The following KALRN variants were observed in gnomAD, a reference collection of about 807,000 sequenced individuals.
The protein encoded by KALRN is kalirin RhoGEF kinase.
KALRN carries 70 observed loss-of-function variants against 353.7 expected under a neutral mutation model. The observed-to-expected ratio is 0.20, with a 90% confidence interval of 0.16 to 0.24. The LOEUF (loss-of-function observed/expected upper bound fraction) is 0.24, where lower values mean the gene tolerates loss of function less well. KALRN is among the 10% of genes least tolerant of loss of function. The pLI is 1.00. For synonymous variants in KALRN, 1,391 were observed against 1,434.8 expected (o/e 0.97, Z 0.69); for missense variants, 2,791 against 3,756.7 (o/e 0.74, Z 6.72).
At chr3:124,589,247 G>A (rs11720789) in intron 34 of KALRN, among the ~76,000 whole-genome samples, 15,374 of 152,186 alleles carry the variant, frequency 0.1, 1,013 homozygotes, top group Middle Eastern at 0.16. Flanking sequence ...ATGTGAAACC[G>A]TGACACCAAG....
chr3:124,446,447 C>T (rs1349886620), intron 20 of KALRN, among the ~76,000 whole-genome samples, 171 bp downstream of exon 20: 1 of 152,164 alleles, frequency 6.6e-6, no homozygotes, highest in Non-Finnish European at 1.5e-5. Flanking sequence ...TTACCAAGCT[C>T]TATGTTTTGA....
chr3:124,128,118 T>C (rs1043531061), intron 1 of KALRN, among the ~76,000 whole-genome samples: 1 of 152,100 alleles, frequency 6.6e-6, no homozygotes, highest in African/African-American at 2.4e-5. Context: ...TTGTGGCAGG[T>C]GTATGGTAGG....
At chr3:124,631,044 C>T (rs2080721754) in intron 34 of KALRN, among the ~76,000 whole-genome samples, 2 of 152,204 alleles carry the variant, frequency 1.3e-5, no homozygotes, top group Admixed American at 1.3e-4. Flanking sequence ...CTTAGGTCAA[C>T]TCTCCTGACC....
Position 124,384,954 on chromosome 3 carries a change from G to T in KALRN, c.1880G>T (p.Arg627Leu), listed in dbSNP as rs749969083. The part of the protein sequence containing the change: ...IYKAARHLEV[R>L]IQDFVRRVEQ... Reference sequence around the variant, plus strand: ...AAGGCAGCTCGACACCTGGAGGTGCGCATCCAAGACTTCGTGCGCAGGGTG... The same window carrying T: ...AAGGCAGCTCGACACCTGGAGGTGCTCATCCAAGACTTCGTGCGCAGGGTG... The change falls in exon 11 of 60, where the codon CGC (arginine) becomes CTC (leucine). Residue 627 changes from arginine to leucine, a missense_variant. Physicochemically the swap from Arg to Leu is moderately radical, Grantham distance 102. This residue lies in a region of KALRN where 452 missense variants were observed against 575.8 expected (regional missense o/e 0.78). Transcript: ENST00000682506. 1.4e-5 allele frequency: 22 copies of T among 1,613,968 alleles called. No homozygotes were observed. Among genetic ancestry groups the T allele is most frequent in the Non-Finnish European group, 1.9e-5 (22 of 1,179,914 alleles).
At chr3:124,284,768 A>T (rs2075676083) in intron 5 of KALRN, among the ~76,000 whole-genome samples, 1 of 152,244 alleles carries the variant, frequency 6.6e-6, no homozygotes, top group Non-Finnish European at 1.5e-5. Flanking sequence ...CAAGAAACAG[A>T]AGACAGTAAA....
intron 1 of KALRN, among the ~76,000 whole-genome samples, chr3:124,227,673 T>TTTTTG (rs1560289071): frequency 4.3e-5 from 1 of 22,992 alleles, no homozygotes; most frequent in African/African-American, 1.9e-4. Context: ...GTTTTTTTTT[T>TTTTTG]TTTTTTTTTT....
chr3:124,394,302 G>A (rs62264191), intron 11 of KALRN, among the ~76,000 whole-genome samples: 1 of 152,180 alleles, frequency 6.6e-6, no homozygotes, highest in Admixed American at 6.5e-5. Flanking sequence ...GCAAACACCA[G>A]ACTCATCTTC....
intron 25 of KALRN, among the ~76,000 whole-genome samples, chr3:124,469,136 A>G (rs2060635661): frequency 6.6e-6 from 1 of 152,252 alleles, no homozygotes; most frequent in South Asian, 2.1e-4. Context: ...TATGCAAATA[A>G]CTTTATTCAT....
intron 32 of KALRN, among the ~76,000 whole-genome samples, chr3:124,493,242 G>C (rs147540519): frequency 5.4e-4 from 83 of 152,310 alleles, no homozygotes; most frequent in African/African-American, 1.9e-3. Context: ...AAAGAAAGGG[G>C]ACTTTAGATG....
chr3:124,081,734 G>GT (rs1261024613), intron 1 of KALRN, among the ~76,000 whole-genome samples: 2 of 152,124 alleles, frequency 1.3e-5, no homozygotes, highest in African/African-American at 4.8e-5. Flanking sequence ...TCCAGCCTGG[G>GT]TGACAGAATG....
chr3:124,410,340 T>G, intron 13 of KALRN: 1 of 503,572 alleles, frequency 2.0e-6, no homozygotes, highest in Non-Finnish European at 4.1e-6. Flanking sequence ...AGGCAGGCTC[T>G]TCCTTTCATG....
At chr3:124,685,341 C>G (rs821367) in intron 51 of KALRN, among the ~76,000 whole-genome samples, 41,115 of 151,676 alleles carry the variant, frequency 0.27, 5,945 homozygotes, top group African/African-American at 0.37. Flanking sequence ...TTAAGAAGAT[C>G]GTCCACAGCA....
intron 5 of KALRN, among the ~76,000 whole-genome samples, chr3:124,289,578 T>C (rs985122643): frequency 6.6e-6 from 1 of 152,194 alleles, no homozygotes; most frequent in Admixed American, 6.6e-5. Flanking sequence ...TGTGTAAACC[T>C]CATTGTGTAG....
At chr3:124,553,872 G>T (rs946469805) in intron 33 of KALRN, among the ~76,000 whole-genome samples, 2 of 152,244 alleles carry the variant, frequency 1.3e-5, no homozygotes, top group Non-Finnish European at 2.9e-5. Flanking sequence ...CCTCCCAGCC[G>T]CATCTCTATT....
intron 1 of KALRN, among the ~76,000 whole-genome samples, chr3:124,044,070 G>A (rs1045197075): frequency 1.3e-5 from 2 of 152,146 alleles, no homozygotes; most frequent in African/African-American, 4.8e-5. Context: ...TAGGGCTCAT[G>A]AATGAGCCCC....
At chr3:124,425,359 A>C (rs1204068705) in intron 15 of KALRN, among the ~76,000 whole-genome samples, 1 of 152,252 alleles carries the variant, frequency 6.6e-6, no homozygotes, top group Non-Finnish European at 1.5e-5. Flanking sequence ...TCAAAATATC[A>C]CATGTATCCC....
intron 25 of KALRN, among the ~76,000 whole-genome samples, chr3:124,464,263 G>A (rs1349214574): frequency 1.3e-5 from 2 of 152,040 alleles, no homozygotes; most frequent in African/African-American, 2.4e-5. Context: ...GACTAACTAC[G>A]GAAGCCTAGA....
At chr3:124,152,522 T>TA in intron 1 of KALRN, 1 of 735,886 alleles carries the variant, frequency 1.4e-6, no homozygotes, top group East Asian at 2.5e-5. Context: ...TATTCCTTGT[T>TA]ACAGTGCTTT....
At chr3:124,440,293 G>T (rs2093626931) in intron 18 of KALRN, among the ~76,000 whole-genome samples, 1 of 152,062 alleles carries the variant, frequency 6.6e-6, no homozygotes, top group South Asian at 2.1e-4. Context: ...AAAATTAAAA[G>T]AAAATGTTTC....
Sources: allele counts gnomAD v4.1 joint callset (sites outside exome capture counted in the v4.1 genomes callset), GRCh38; gene constraint gnomAD v4.1.1; regional missense constraint gnomAD v4.1.1; transcripts MANE v1.5; gene names NCBI Gene and HGNC (gene_info 2026-07-23, HGNC 2026-07-21).